Variants in LOC114841035 observed in about 807,000 individuals in gnomAD.
At chr11:64,242,707 C>G in the LOC114841035 span, 52 of 866,332 alleles carry the variant, frequency 6.0e-5, no homozygotes, top group African/African-American at 7.9e-4. Context: ...CTGCCTTGCC[C>G]TTGCCTACTG....
the LOC114841035 span, chr11:64,243,767 G>A: frequency 1.6e-4 from 249 of 1,583,734 alleles, no homozygotes; most frequent in Non-Finnish European, 2.0e-4. Context: ...TGAGAGGGGC[G>A]GAACACTCTC....
At chr11:64,243,441 CT>C in the LOC114841035 span, 1 of 1,613,932 alleles carries the variant, frequency 6.2e-7, no homozygotes, top group African/African-American at 1.3e-5. Context: ...GAGCATGTGT[CT>C]TCCTGCAGGA....
the LOC114841035 span, chr11:64,243,282 C>T: frequency 2.5e-6 from 4 of 1,609,526 alleles, no homozygotes; most frequent in South Asian, 1.1e-5. Context: ...CAGGCCAGGT[C>T]ATCAAGGGCT....
chr11:64,243,034 T>C, the LOC114841035 span, among the ~76,000 whole-genome samples: 1 of 151,948 alleles, frequency 6.6e-6, no homozygotes, highest in Non-Finnish European at 1.5e-5. Flanking sequence ...ATCACGCCGC[T>C]GCACTCCAGC....
At chr11:64,242,596 GC>G in the LOC114841035 span, 1 of 1,518,978 alleles carries the variant, frequency 6.6e-7, no homozygotes, top group Non-Finnish European at 8.8e-7. Flanking sequence ...AGTGGGTGGG[GC>G]TTCCGAGGAC....
At chr11:64,243,447 G>A in the LOC114841035 span, 1 of 1,614,068 alleles carries the variant, frequency 6.2e-7, no homozygotes, top group Non-Finnish European at 8.5e-7. Context: ...GTGTCTTCCT[G>A]CAGGATGTGT....
At chr11:64,244,078 G>A in the LOC114841035 span, 66 of 1,523,086 alleles carry the variant, frequency 4.3e-5, no homozygotes, top group Non-Finnish European at 5.6e-5. Flanking sequence ...GGACCAGACT[G>A]TTCCAAAAAA....
At chr11:64,243,456 G>A in the LOC114841035 span, 1 of 1,614,084 alleles carries the variant, frequency 6.2e-7, no homozygotes, top group South Asian at 1.1e-5. Context: ...TGCAGGATGT[G>A]TGAGGGGGAA....
At chr11:64,242,142 C>T in the LOC114841035 span, 5 of 448,292 alleles carry the variant, frequency 1.1e-5, no homozygotes, top group Non-Finnish European at 2.0e-5. Flanking sequence ...GGGTCCCTGG[C>T]TGCTGTGGCC....
chr11:64,243,166 CT>C, the LOC114841035 span: 1 of 1,602,128 alleles, frequency 6.2e-7, no homozygotes. Context: ...GGGTGGTCCC[CT>C]CTTCCTCACT....
At chr11:64,242,273 C>T in the LOC114841035 span, 2 of 1,108,966 alleles carry the variant, frequency 1.8e-6, no homozygotes, top group Non-Finnish European at 2.4e-6. Context: ...GGGGATCCCC[C>T]GGGGCAAGGA....
At chr11:64,242,178 TG>T in the LOC114841035 span, 2 of 487,790 alleles carry the variant, frequency 4.1e-6, no homozygotes, top group Admixed American at 4.2e-5. Flanking sequence ...CCCCCGCTGC[TG>T]GGGTCCTCGG....
chr11:64,243,826 G>T, the LOC114841035 span: 1 of 1,613,930 alleles, frequency 6.2e-7, no homozygotes, highest in Non-Finnish European at 8.5e-7. Flanking sequence ...CTGTTTCTTT[G>T]TGCATCTTCA....
the LOC114841035 span, chr11:64,242,245 G>A: frequency 1.2e-6 from 1 of 816,722 alleles, no homozygotes; most frequent in Non-Finnish European, 1.8e-6. Flanking sequence ...GGGGGAGAGG[G>A]CGGTGACCCG....
the LOC114841035 span, chr11:64,243,515 A>C: frequency 6.2e-7 from 1 of 1,613,220 alleles, no homozygotes; most frequent in Admixed American, 1.7e-5. Context: ...GCCCCTCCTG[A>C]GGGTGCAGAG....
the LOC114841035 span, chr11:64,242,133 G>A: frequency 2.3e-6 from 1 of 443,972 alleles, no homozygotes; most frequent in Non-Finnish European, 4.0e-6. Flanking sequence ...CAAAGGGGCG[G>A]GTCCCTGGCT....
the LOC114841035 span, chr11:64,243,554 T>C: frequency 6.3e-7 from 1 of 1,591,598 alleles, no homozygotes; most frequent in Non-Finnish European, 8.6e-7. Context: ...CTGGGAAGGG[T>C]GAAAGCTGCT....
chr11:64,243,801 C>T, the LOC114841035 span: 2 of 1,612,880 alleles, frequency 1.2e-6, no homozygotes, highest in Non-Finnish European at 1.7e-6. Context: ...TGGAAGGGAG[C>T]TTGGCCATCA....
At chr11:64,242,192 A>T in the LOC114841035 span, 1 of 506,704 alleles carries the variant, frequency 2.0e-6, no homozygotes, top group Non-Finnish European at 3.3e-6. Context: ...GTCCTCGGCC[A>T]AGCCCCCTTC....
Sources: gnomAD v4.1 joint callset for allele counts (sites outside exome capture counted in the v4.1 genomes callset) on GRCh38, gnomAD v4.1.1 for gene constraint, MANE v1.5 for transcripts.